Variants in FHIP1A observed in about 807,000 individuals in gnomAD.
FHIP1A encodes FHF complex subunit HOOK-interacting protein 1A.
FHIP1A carries 61 observed loss-of-function variants against 88.6 expected under a neutral mutation model. That is an observed-to-expected ratio of 0.69 (90% CI 0.56 to 0.85). The LOEUF is 0.85. FHIP1A is among the 40% of genes least tolerant of loss of function. The probability of loss-of-function intolerance (pLI) is 0.00; values close to 1 mark genes in which losing one functional copy is unlikely to be tolerated. For synonymous variants in FHIP1A, 478 were observed against 496.0 expected (o/e 0.96, Z 0.48); for missense variants, 1,154 against 1,273.5 (o/e 0.91, Z 1.43).
chr4:151,566,457 A>G (rs1733393191), intron 4 of FHIP1A, 93 bp downstream of exon 4: 1 of 688,500 alleles, frequency 1.5e-6, no homozygotes, highest in Non-Finnish European at 2.5e-6. Context: ...GTGATAGGTA[A>G]CTAGATTGCT....
At chr4:151,421,013 C>T (rs190881640) in intron 1 of FHIP1A, among the ~76,000 whole-genome samples, 20 of 152,320 alleles carry the variant, frequency 1.3e-4, no homozygotes, top group Admixed American at 8.5e-4. Flanking sequence ...AAAATTGAGT[C>T]GCATTTAAAG....
intron 3 of FHIP1A, among the ~76,000 whole-genome samples, chr4:151,524,867 ACATGTAG>A (rs2126700639): frequency 6.6e-6 from 1 of 152,344 alleles, no homozygotes; most frequent in African/African-American, 2.4e-5. Context: ...TGCCTGTTCG[ACATGTAG>A]AAACTTGAGG....
At chr4:151,489,825 A>G (rs558053134) in intron 3 of FHIP1A, among the ~76,000 whole-genome samples, 1 of 152,214 alleles carries the variant, frequency 6.6e-6, no homozygotes, top group South Asian at 2.1e-4. Context: ...CTACCCAAGG[A>G]GAGTCTGAGT....
At chr4:151,631,634 T>G (rs1264373722) in intron 8 of FHIP1A, among the ~76,000 whole-genome samples, 1 of 152,110 alleles carries the variant, frequency 6.6e-6, no homozygotes, top group Non-Finnish European at 1.5e-5. Context: ...AAACTGCTTT[T>G]GTAAGAACTT....
At chr4:151,582,228 T>G (rs1170602766) in intron 5 of FHIP1A, among the ~76,000 whole-genome samples, 1 of 152,194 alleles carries the variant, frequency 6.6e-6, no homozygotes, top group African/African-American at 2.4e-5. Context: ...CCAGGTGTTA[T>G]GCTGCGAGCT....
chr4:151,519,703 T>G (rs965861541), intron 3 of FHIP1A, among the ~76,000 whole-genome samples: 5 of 152,160 alleles, frequency 3.3e-5, no homozygotes, highest in Non-Finnish European at 7.4e-5. Flanking sequence ...TAGAGGAGGT[T>G]TATGTTTACC....
Position 151,488,033 on chromosome 4 carries a change from G to A in FHIP1A, c.-123+5385G>A, listed in dbSNP as rs1033367800. On this transcript the variant is annotated intron_variant, in intron 3 of 13. Coordinates refer to ENST00000435205, the MANE Select transcript of FHIP1A (RefSeq NM_001109977.3). ...CTGCTTCTCTACATTCATTGTAAGG[G>A]TTCTGGTCCAGACCTTCATCATCTC... is the stretch of plus-strand genomic sequence containing the variant. Among the ~76,000 whole-genome samples, 4 of 152,234 alleles carry A rather than the reference G, an allele frequency of 2.6e-5. No individual in the cohort carries two copies. The South Asian group carries it at 8.3e-4, about 32-fold the overall frequency.
chr4:151,635,136 GA>G (rs1312393975), intron 8 of FHIP1A, among the ~76,000 whole-genome samples: 1 of 151,736 alleles, frequency 6.6e-6, no homozygotes, highest in Non-Finnish European at 1.5e-5. Flanking sequence ...AAAAATATAT[GA>G]AAAGATTAGA....
In FHIP1A at chr4:151,629,772, C is replaced by T. The variant is rs116988438; in HGVS notation, c.1049C>T (p.Ala350Val). 1.3e-6 allele frequency: 2 copies of T among 1,551,408 alleles called. No individual in the cohort carries two copies. The highest frequency in any genetic ancestry group is 4.9e-5 in the East Asian group (2 of 40,918). ...TTCCTGCGTAGCATCTCCGAGCCAG[C>T]ACTACTTGAGATCTTCCTCCGTTTT... is the stretch of plus-strand genomic sequence containing the variant. ...DLFLRSISEP[A>V]LLEIFLRFIL... Residue 350 changes from alanine to valine, a missense_variant, in exon 8 of 14, where the codon GCA becomes GTA. Physicochemically the swap from Ala to Val is moderately conservative, Grantham distance 64. Transcript: ENST00000435205.
chr4:151,424,627 A>G (rs1332969764), intron 1 of FHIP1A, among the ~76,000 whole-genome samples: 2 of 152,198 alleles, frequency 1.3e-5, no homozygotes, highest in African/African-American at 4.8e-5. Context: ...TCTTTTAAAA[A>G]TAGGTTTCAT....
chr4:151,564,994 C>A (rs1348398848), intron 3 of FHIP1A, among the ~76,000 whole-genome samples: 1 of 152,140 alleles, frequency 6.6e-6, no homozygotes, highest in Non-Finnish European at 1.5e-5. Context: ...TTTCTCCCAT[C>A]TTACTGTTTG....
chr4:151,540,702 T>A (rs181909325), intron 3 of FHIP1A, among the ~76,000 whole-genome samples: 1 of 152,302 alleles, frequency 6.6e-6, no homozygotes, highest in Admixed American at 6.5e-5. Flanking sequence ...ATAAAAAATA[T>A]TAACAGTCAG....
rs1415231627 is a variant in FHIP1A, at chr4:151,662,569, C to T, written c.2938C>T (p.Gln980Ter). 6.4e-7 allele frequency: 1 copy of T among 1,551,440 alleles called. No homozygotes were observed. The highest frequency in any genetic ancestry group is 2.4e-5 in the East Asian group (1 of 40,900). ...NLLDGPPRVL[Q>*]PFLTHRTKVA... ...TTTGGATGGACCTCCAAGAGTGCTTCAGCCCTTCCTGACCCACAGAACCAA... is the reference window on the plus strand; with the variant it reads ...TTTGGATGGACCTCCAAGAGTGCTTTAGCCCTTCCTGACCCACAGAACCAA... Residue 980 changes from glutamine (Q) to a stop codon, truncating the protein, a stop_gained, in exon 14 of 14, where the codon CAG (glutamine) becomes TAG (stop). Coordinates refer to ENST00000435205, the MANE Select transcript of FHIP1A (RefSeq NM_001109977.3). LOFTEE classifies it high-confidence loss of function.
At chr4:151,636,194 C>T (rs939087293) in intron 8 of FHIP1A, among the ~76,000 whole-genome samples, 8 of 152,042 alleles carry the variant, frequency 5.3e-5, no homozygotes, top group East Asian at 1.9e-4. Flanking sequence ...TAATGTAATA[C>T]ATCATATCAA....
chr4:151,429,917 AC>A (rs1733532268), intron 1 of FHIP1A, among the ~76,000 whole-genome samples: 1 of 151,968 alleles, frequency 6.6e-6, no homozygotes, highest in Non-Finnish European at 1.5e-5. Context: ...TTTCCAGCTT[AC>A]AGATACCAAA....
rs57147339 is a variant in FHIP1A at position 151,443,685 on chromosome 4, CTGTGTGTG to C, written c.-355-10984_-355-10977del. ...GAGTGAGAATTCTAAATGAAGCACT[CTGTGTGTG>C]TGTGTGTGTGTGTGTGTGTGTGTGT... On this transcript the variant is annotated intron_variant, in intron 1 of 13. Transcript: ENST00000435205. 7.0e-4 allele frequency among the ~76,000 whole-genome samples: 86 copies of C among 122,170 alleles called. 1 individual carries two copies. The highest frequency in any genetic ancestry group is 2.4e-3 in the African/African-American group (77 of 32,334). The allele number at this position is 122,170 out of a possible 152,430, so 80.1% of individuals were successfully genotyped here.
At chr4:151,438,459 C>G (rs1728286253) in intron 1 of FHIP1A, among the ~76,000 whole-genome samples, 1 of 151,998 alleles carries the variant, frequency 6.6e-6, no homozygotes, top group South Asian at 2.1e-4. Context: ...TTGTATTTCT[C>G]TCTCCCTTTC....
chr4:151,433,271 C>T (rs1284063327), intron 1 of FHIP1A, among the ~76,000 whole-genome samples: 1 of 150,678 alleles, frequency 6.6e-6, no homozygotes, highest in South Asian at 2.1e-4. Flanking sequence ...TGTGAAGGCC[C>T]GTAGGTAATG....
chr4:151,524,062 A>G (rs1317509882), intron 3 of FHIP1A, among the ~76,000 whole-genome samples: 1 of 152,176 alleles, frequency 6.6e-6, no homozygotes, highest in Admixed American at 6.5e-5. Flanking sequence ...CTGTAATCCC[A>G]GCACTTTGGG....
Sources: allele counts gnomAD v4.1 joint callset (sites outside exome capture counted in the v4.1 genomes callset), GRCh38; gene constraint gnomAD v4.1.1; transcripts MANE v1.5; gene names NCBI Gene and HGNC (gene_info 2026-07-23, HGNC 2026-07-21).